The following ADGRA1 variants were observed in gnomAD, a reference collection of about 807,000 sequenced individuals.
ADGRA1 encodes the protein adhesion G protein-coupled receptor A1.
ADGRA1 carries 12 observed loss-of-function variants against 21.3 expected under a neutral mutation model. The ratio of observed to expected loss-of-function variants is 0.56; its 90% CI spans 0.36 to 0.91. The LOEUF (loss-of-function observed/expected upper bound fraction) is 0.91, where lower values mean the gene tolerates loss of function less well. Among genes scored for constraint, ADGRA1 ranks in the 40% least tolerant of loss-of-function variants. The pLI, the probability that ADGRA1 is intolerant of heterozygous loss-of-function variation, is 0.01. For missense variants in ADGRA1, 790 were observed against 805.6 expected (o/e 0.98, Z 0.23); for synonymous variants, 385 against 368.8 (o/e 1.04, Z -0.50).
intron 5 of ADGRA1, among the ~76,000 whole-genome samples, chr10:133,107,402 C>T (rs778939258): frequency 5.9e-5 from 9 of 151,974 alleles, no homozygotes; most frequent in South Asian, 4.1e-4. Context: ...TTTTCTTTGT[C>T]GGTCTAGCTA....
rs148645682 is a variant in ADGRA1, at chr10:133,109,076, C to T, written c.401+6234C>T. 2.8e-3 allele frequency among the ~76,000 whole-genome samples: 429 copies of T among 151,844 alleles called. 4 individuals carry two copies. The highest frequency in any genetic ancestry group is 9.4e-3 in the African/African-American group (390 of 41,316). On this transcript the variant is annotated intron_variant, in intron 5 of 6. Coordinates refer to ENST00000392607, the MANE Select transcript of ADGRA1 (RefSeq NM_001083909.3). ...CCTCCCCTCATGTCCTCCATGGCCC[C>T]GGCCCCACCCCTGCCCCTCATATCC...
chr10:133,128,157 C>T (rs1317731288), intron 6 of ADGRA1, among the ~76,000 whole-genome samples, 172 bp from the exon 7 acceptor site: 1 of 150,500 alleles, frequency 6.6e-6, no homozygotes, highest in Non-Finnish European at 1.5e-5. Flanking sequence ...GCCAATAGGG[C>T]CCGGTTCCCA....
chr10:133,111,966 GCCCACCACA>G lies in ADGRA1; in HGVS notation c.401+9125_401+9133del, dbSNP rs1852032264. 1.6e-4 allele frequency among the ~76,000 whole-genome samples: 12 copies of G among 75,448 alleles called. 5 individuals carry two copies. Among genetic ancestry groups the G allele is most frequent in the Admixed American group, 5.4e-4 (4 of 7,360 alleles). 49.5% of individuals were successfully genotyped at this position (75,448 alleles called of 152,430 possible). ...CCCTCCTAATCCCTCCAGACCACCT[GCCCACCACA>G]GGCACCTCCCTCCTAATGCCTCCAG... On this transcript the variant is annotated intron_variant, in intron 5 of 6. Coordinates refer to ENST00000392607, the MANE Select transcript of ADGRA1 (RefSeq NM_001083909.3).
chr10:133,095,579 A>G, intron 2 of ADGRA1: 1 of 1,496,984 alleles, frequency 6.7e-7, no homozygotes, highest in South Asian at 1.3e-5. Flanking sequence ...CCGCCTGGCC[A>G]GTGCTGTTCG....
chr10:133,118,869 C>T (rs1482016179), intron 5 of ADGRA1, among the ~76,000 whole-genome samples: 1 of 147,398 alleles, frequency 6.8e-6, no homozygotes, highest in Non-Finnish European at 1.5e-5. Flanking sequence ...ACACACATCA[C>T]ACACACATGC....
rs768385319 is a variant in ADGRA1, at chr10:133,128,600, G to A, written c.772G>A (p.Ala258Thr). 8 of 1,597,090 alleles carry A rather than the reference G, an allele frequency of 5.0e-6. No individual in the cohort carries two copies. The highest frequency in any genetic ancestry group is 1.7e-4 in the Middle Eastern group (1 of 6,028). The change falls in exon 7 of 7, where the codon GCC becomes ACC. Residue 258 changes from alanine to threonine, a missense_variant. Transcript: ENST00000392607. ...NEHSFQAQLR[A>T]AAFTLFLFTA... ...GCACTCATTCCAGGCACAGCTGCGC[G>A]CCGCCGCCTTCACGCTGTTCCTGTT...
intron 4 of ADGRA1, among the ~76,000 whole-genome samples, chr10:133,100,834 A>G (rs1285652737): frequency 3.3e-5 from 5 of 152,204 alleles, no homozygotes; most frequent in Non-Finnish European, 7.3e-5. Context: ...GCAAGTGTGG[A>G]AAATGAACCG....
intron 5 of ADGRA1, among the ~76,000 whole-genome samples, chr10:133,104,477 G>A (rs1851857532): frequency 6.6e-6 from 1 of 152,184 alleles, no homozygotes. Flanking sequence ...GTCTGTCCAG[G>A]TGCTGGGGGG....
chr10:133,112,600 TG>T (rs879907887), intron 5 of ADGRA1, among the ~76,000 whole-genome samples: 486 of 147,810 alleles, frequency 3.3e-3, no homozygotes, highest in East Asian at 5.2e-3. Flanking sequence ...GTCGGTTATT[TG>T]GAGTCTACGG....
At chr10:133,117,560 A>G (rs1184810804) in intron 5 of ADGRA1, among the ~76,000 whole-genome samples, 4 of 152,222 alleles carry the variant, frequency 2.6e-5, no homozygotes, top group African/African-American at 9.6e-5. Flanking sequence ...GCACCTGCTC[A>G]GGGCTGGTGC....
chr10:133,091,781 A>G (rs1423606499), intron 2 of ADGRA1, among the ~76,000 whole-genome samples: 1 of 152,188 alleles, frequency 6.6e-6, no homozygotes, highest in African/African-American at 2.4e-5. Context: ...TTCCTTCCCC[A>G]GCTTCTGAAA....
rs9419100 is a variant in ADGRA1 at position 133,098,694 on chromosome 10, C to A, written c.186C>A (p.His62Gln). 6.2e-7 allele frequency: 1 copy of A among 1,611,770 alleles called. No individual in the cohort carries two copies. Among genetic ancestry groups the A allele is most frequent in the Admixed American group, 1.7e-5 (1 of 60,022 alleles). The change falls in exon 4 of 7, where the codon CAC becomes CAA. Residue 62 changes from histidine (H) to glutamine (Q), a missense_variant. His to Gln is a conservative substitution (Grantham distance 24). This residue lies in a region of ADGRA1 where 382 missense variants were observed against 415.6 expected (regional missense o/e 0.92). Transcript: ENST00000392607. ...ACACGCTCCTGAATTTCTGCTTCCA[C>A]GCGGCCCTGACCTTCACTGTGTTCG... Reference protein sequence around the residue: ...GRHTLLNFCFHAALTFTVFAG... With the variant: ...GRHTLLNFCFQAALTFTVFAG...
intron 2 of ADGRA1, among the ~76,000 whole-genome samples, chr10:133,096,264 C>T (rs563449924): frequency 4.6e-5 from 7 of 152,302 alleles, no homozygotes; most frequent in African/African-American, 1.4e-4. Context: ...CCCCGGTGAG[C>T]TCACCTCACT....
In ADGRA1 at chr10:133,111,725, G is replaced by GAAC. The variant is rs1852012117; in HGVS notation, c.401+8883_401+8884insAAC. ...CCACCAGACCACCTGCCCGCCACGG[G>GAAC]CACCTCCCTCCTAATCCCACCAGAC... On this transcript the variant is annotated intron_variant, in intron 5 of 6. Coordinates refer to ENST00000392607, the MANE Select transcript of ADGRA1 (RefSeq NM_001083909.3). Among the ~76,000 whole-genome samples, 2 of 37,606 alleles carry GAAC rather than the reference G, an allele frequency of 5.3e-5. 1 individual carries two copies. The highest frequency in any genetic ancestry group is 4.7e-3 in the East Asian group (2 of 426). The allele number at this position is 37,606 out of a possible 152,430, so 24.7% of individuals were successfully genotyped here. A position where few individuals can be genotyped will look rare whatever the true frequency, so the allele number is the denominator to read the frequency against.
intron 4 of ADGRA1, 113 bp from the exon 5 acceptor site, chr10:133,102,584 G>A (rs1044491236): frequency 6.0e-5 from 77 of 1,277,220 alleles, no homozygotes; most frequent in African/African-American, 2.6e-4. Flanking sequence ...GGATACAGAC[G>A]CTGCTGGCCG....
intron 4 of ADGRA1, among the ~76,000 whole-genome samples, chr10:133,101,417 G>A (rs1288774286): frequency 2.0e-5 from 3 of 152,186 alleles, no homozygotes; most frequent in Non-Finnish European, 4.4e-5. Flanking sequence ...GGCGGGGTGG[G>A]GCAGCCGTGC....
rs73399159 is a variant in ADGRA1, at chr10:133,129,821, G to A, written c.*310G>A. The A allele has an allele frequency of 0.085, 28,862 of 339,216 alleles. 1,883 individuals are homozygous for A. The highest frequency in any genetic ancestry group is 0.17 in the African/African-American group (7,758 of 45,728). The allele number at this position is 339,216 out of a possible 1,614,324, so 21.0% of individuals were successfully genotyped here. On this transcript the variant is annotated 3_prime_UTR_variant, in exon 7 of 7. Transcript: ENST00000392607. Reference sequence around the variant, plus strand: ...ACGGTCATCCGGTTTCTGTCCTGTGGTCTCCAGTCCTGGGGCACCCTAGAG... The same window carrying A: ...ACGGTCATCCGGTTTCTGTCCTGTGATCTCCAGTCCTGGGGCACCCTAGAG...
chr10:133,131,460 C>T lies in ADGRA1; in HGVS notation c.*1949C>T, dbSNP rs1452152506. The stretch of plus-strand genomic sequence containing the variant: ...TTGTGAGGCTGGTTAATAGCATCCC[C>T]GTGTGTTTTTCTCACCCTCGATGGG... On this transcript the variant is annotated 3_prime_UTR_variant, in exon 7 of 7. Coordinates refer to ENST00000392607, the MANE Select transcript of ADGRA1 (RefSeq NM_001083909.3). 2 of 152,340 alleles carry T rather than the reference C, an allele frequency of 1.3e-5. No homozygotes were observed. Among genetic ancestry groups the T allele is most frequent in the African/African-American group, 4.8e-5 (2 of 41,432 alleles). 9.4% of individuals were successfully genotyped at this position (152,340 alleles called of 1,614,324 possible). A position where few individuals can be genotyped will look rare whatever the true frequency, so the allele number is the denominator to read the frequency against.
At chr10:133,103,578 G>C (rs531743858) in intron 5 of ADGRA1, among the ~76,000 whole-genome samples, 1 of 152,356 alleles carries the variant, frequency 6.6e-6, no homozygotes, top group Non-Finnish European at 1.5e-5. Context: ...CCTGCCTAGG[G>C]GGGCGGACAC....
Sources: gnomAD v4.1 joint callset for allele counts (sites outside exome capture counted in the v4.1 genomes callset) on GRCh38, gnomAD v4.1.1 for gene constraint, gnomAD v4.1.1 regional missense constraint, MANE v1.5 for transcripts, NCBI Gene and HGNC (gene_info 2026-07-23, HGNC 2026-07-21) for gene names.